The following CELF2 variants were observed in gnomAD, a reference collection of about 807,000 sequenced individuals.
CELF2 encodes the protein CUGBP Elav-like family member 2.
A neutral mutation model predicts 62.6 loss-of-function variants in CELF2; 8 were observed. That is an observed-to-expected ratio of 0.13 (90% CI 0.07 to 0.23). The LOEUF (loss-of-function observed/expected upper bound fraction) is 0.23. Ranked by LOEUF, CELF2 falls within the 10% of genes least tolerant of loss-of-function variation. The pLI is 1.00. For synonymous variants in CELF2, 258 were observed against 250.0 expected (o/e 1.03, Z -0.30); for missense variants, 333 against 671.0 (o/e 0.50, Z 5.56).
chr10:11,289,623 A>C (rs991384290), intron 9 of CELF2, among the ~76,000 whole-genome samples: 4 of 152,214 alleles, frequency 2.6e-5, no homozygotes, highest in Non-Finnish European at 5.9e-5. Context: ...ATTTCCCTGT[A>C]ATGTGCTGAG....
the CELF2 span, among the ~76,000 whole-genome samples, chr10:10,676,666 G>T: frequency 1.3e-5 from 2 of 152,286 alleles, no homozygotes; most frequent in South Asian, 2.1e-4. Flanking sequence ...CCCCAGCACT[G>T]GTTCCATGGA....
At chr10:10,529,112 C>T in the CELF2 span, among the ~76,000 whole-genome samples, 13 of 152,148 alleles carry the variant, frequency 8.5e-5, no homozygotes, top group Admixed American at 1.3e-4. Flanking sequence ...TTTAAATTAG[C>T]ATTATAGCAA....
intron 1 of CELF2, among the ~76,000 whole-genome samples, chr10:10,905,292 A>T (rs572655642): frequency 2.9e-4 from 44 of 152,354 alleles, no homozygotes; most frequent in African/African-American, 1.0e-3. Context: ...ATTTTTAGTA[A>T]CAGCAATTTT....
At chr10:10,875,368 A>AT (rs2061016058) in intron 1 of CELF2, among the ~76,000 whole-genome samples, 1 of 152,150 alleles carries the variant, frequency 6.6e-6, no homozygotes, top group East Asian at 1.9e-4. Context: ...ATTTTTATGG[A>AT]TTTTTACGTG....
the CELF2 span, among the ~76,000 whole-genome samples, chr10:10,564,824 C>T: frequency 6.6e-6 from 1 of 152,018 alleles, no homozygotes; most frequent in Non-Finnish European, 1.5e-5. Flanking sequence ...ATGGAAGGCA[C>T]ACTCAAACTA....
chr10:11,011,464 TAA>T lies in CELF2; in HGVS notation c.53+6037_53+6038del, dbSNP rs373235531. 7.3e-6 allele frequency among the ~76,000 whole-genome samples: 1 copy of T among 136,430 alleles called. No individual in the cohort carries two copies. The highest frequency in any genetic ancestry group is 2.7e-5 in the African/African-American group (1 of 37,504). The allele number at this position is 136,430 out of a possible 152,430, so 89.5% of individuals were successfully genotyped here. A position where few individuals can be genotyped will look rare whatever the true frequency, so the allele number is the denominator to read the frequency against. On this transcript the variant is annotated intron_variant, in intron 1 of 12. Transcript: ENST00000416382. This position sits in a 1 kb window ranked among gnomAD's most constrained non-coding sequence, Gnocchi z 4.6. Reference sequence around the variant, plus strand: ...GACACCCTGAATTCATCTTTATTATTAAAAAAAAAAAAAACGCAAAATACAAT... The same window carrying T: ...GACACCCTGAATTCATCTTTATTATTAAAAAAAAAAAACGCAAAATACAAT...
At chr10:11,005,223 C>G (rs2054974198), upstream of CELF2, 1 of 1,484,358 alleles carries the variant, frequency 6.7e-7, no homozygotes, top group Non-Finnish European at 8.9e-7. This position sits in a 1 kb window ranked among gnomAD's most constrained non-coding sequence, Gnocchi z 4.3. Flanking sequence ...CAGCATTTGA[C>G]TAGGGAAGAG....
chr10:11,235,232 G>T (rs2070748402), intron 3 of CELF2, among the ~76,000 whole-genome samples: 1 of 152,188 alleles, frequency 6.6e-6, no homozygotes, highest in Non-Finnish European at 1.5e-5. Context: ...TTCCACAGTT[G>T]TTAGAAATTA....
intron 2 of CELF2, among the ~76,000 whole-genome samples, chr10:10,987,803 C>G (rs888621091): frequency 6.6e-6 from 1 of 151,976 alleles, no homozygotes; most frequent in Non-Finnish European, 1.5e-5. Context: ...AGGCAAAGAA[C>G]ATGAATAGAC....
chr10:11,217,419 C>T lies in CELF2; in HGVS notation c.272-6C>T, dbSNP rs770437097. ...ATTTCTAAAACCTTTTCATTTCTCT[C>T]TGTAGGTTGTTGTTTCGTAACATTT... On this transcript the variant is annotated splice_region_variant and splice_polypyrimidine_tract_variant and intron_variant, in intron 2 of 12. Coordinates refer to ENST00000633077, the MANE Select transcript of CELF2 (RefSeq NM_001326342.2). The surrounding 1 kb of genome is among the most constrained non-coding windows in gnomAD (Gnocchi z 5.6). 5 of 1,606,454 alleles carry T rather than the reference C, an allele frequency of 3.1e-6. No individual in the cohort carries two copies. Among genetic ancestry groups the T allele is most frequent in the Non-Finnish European group, 4.3e-6 (5 of 1,173,594 alleles).
the CELF2 span, among the ~76,000 whole-genome samples, chr10:10,651,282 T>C: frequency 1.1e-4 from 16 of 145,648 alleles, no homozygotes; most frequent in African/African-American, 2.5e-4. Context: ...AAGGCGGCAG[T>C]GAGGCTGGGG....
chr10:10,788,770 A>C, the CELF2 span, among the ~76,000 whole-genome samples: 1 of 152,056 alleles, frequency 6.6e-6, no homozygotes, highest in Non-Finnish European at 1.5e-5. Context: ...GCCTCTTTCC[A>C]GTATTTTTTT....
chr10:10,537,302 C>G, the CELF2 span, among the ~76,000 whole-genome samples: 6 of 152,130 alleles, frequency 3.9e-5, no homozygotes, highest in African/African-American at 1.4e-4. Context: ...CAGTCAGTAG[C>G]TTTATAACCG....
At chr10:10,535,872 G>C in the CELF2 span, among the ~76,000 whole-genome samples, 5 of 152,218 alleles carry the variant, frequency 3.3e-5, no homozygotes, top group Admixed American at 6.5e-5. Context: ...GTTACATAAT[G>C]ATGAGCCATA....
At chr10:11,236,485 T>C (rs1335511705) in intron 3 of CELF2, among the ~76,000 whole-genome samples, 3 of 152,204 alleles carry the variant, frequency 2.0e-5, no homozygotes, top group African/African-American at 7.2e-5. Flanking sequence ...TTGTTTTAAG[T>C]CATCAAGTCA....
chr10:11,047,065 C>T (rs1029595703), intron 1 of CELF2, among the ~76,000 whole-genome samples: 2 of 152,022 alleles, frequency 1.3e-5, no homozygotes, highest in Non-Finnish European at 2.9e-5. Flanking sequence ...TTTTGCACAT[C>T]CTTTAAACTC....
intron 1 of CELF2, among the ~76,000 whole-genome samples, chr10:11,137,823 AT>A (rs771723755): frequency 6.6e-6 from 1 of 152,214 alleles, no homozygotes; most frequent in Non-Finnish European, 1.5e-5. Flanking sequence ...AGAATTATCC[AT>A]ATTCTTTCAG....
chr10:10,616,610 G>A, the CELF2 span, among the ~76,000 whole-genome samples: 9 of 151,594 alleles, frequency 5.9e-5, no homozygotes, highest in African/African-American at 2.2e-4. Flanking sequence ...GCCAGAGAGA[G>A]GCTGTTACCT....
intron 1 of CELF2, among the ~76,000 whole-genome samples, chr10:11,133,217 A>G (rs2059883545): frequency 6.6e-6 from 1 of 152,226 alleles, no homozygotes; most frequent in Admixed American, 6.5e-5. Flanking sequence ...ACAAGGAACC[A>G]TTAAAGAAGA....
Sources: allele counts gnomAD v4.1 joint callset (sites outside exome capture counted in the v4.1 genomes callset), GRCh38; gene constraint gnomAD v4.1.1; non-coding constraint Gnocchi (gnomAD v3.1); transcripts MANE v1.5; gene names NCBI Gene and HGNC (gene_info 2026-07-23, HGNC 2026-07-21).